The following NCK2 variants were observed in gnomAD, a reference collection of about 807,000 sequenced individuals.
NCK2 encodes NCK adaptor protein 2.
In NCK2, 16 loss-of-function variants were observed where a neutral mutation model predicts 33.9. The observed-to-expected ratio is 0.47, with a 90% confidence interval of 0.32 to 0.72. The LOEUF (loss-of-function observed/expected upper bound fraction) is 0.72. Among genes scored for constraint, NCK2 ranks in the 30% least tolerant of loss-of-function variants. The pLI is 0.03. For synonymous variants in NCK2, 273 were observed against 239.9 expected (o/e 1.14, Z -1.27); for missense variants, 418 against 537.3 (o/e 0.78, Z 2.19).
rs73946597 is a variant in NCK2 at position 105,838,714 on chromosome 2, G to A, written c.-16-16334G>A. 6.0e-3 allele frequency among the ~76,000 whole-genome samples: 913 copies of A among 152,252 alleles called. 13 individuals carry two copies. Among genetic ancestry groups the A allele is most frequent in the African/African-American group, 0.02 (821 of 41,546 alleles). On this transcript the variant is annotated intron_variant, in intron 2 of 4. Coordinates refer to ENST00000233154, the MANE Select transcript of NCK2 (RefSeq NM_003581.5). Reference sequence around the variant, plus strand: ...TAGTTTGTAGGCATCTTGTATCTGTGTGTCTACTGTGGTGATGGAGACCAT... The same window carrying A: ...TAGTTTGTAGGCATCTTGTATCTGTATGTCTACTGTGGTGATGGAGACCAT...
At chr2:105,748,782 T>G (rs1689367776) in intron 1 of NCK2, among the ~76,000 whole-genome samples, 1 of 152,110 alleles carries the variant, frequency 6.6e-6, no homozygotes, top group African/African-American at 2.4e-5. Flanking sequence ...CAGACTGGTC[T>G]TGCCACTTAT....
intron 1 of NCK2, among the ~76,000 whole-genome samples, chr2:105,792,661 G>C (rs11886675): frequency 6.6e-6 from 1 of 151,326 alleles, no homozygotes; most frequent in South Asian, 2.1e-4. Flanking sequence ...CCGGTCTTTT[G>C]TCATTTGGGC....
intron 1 of NCK2, among the ~76,000 whole-genome samples, chr2:105,784,329 G>C (rs1374391767): frequency 6.6e-6 from 1 of 152,224 alleles, no homozygotes; most frequent in Non-Finnish European, 1.5e-5. Context: ...CTGGGGAGCA[G>C]TTTTCCCACC....
intron 1 of NCK2, among the ~76,000 whole-genome samples, chr2:105,774,748 A>T (rs1690248584): frequency 6.6e-6 from 1 of 152,124 alleles, no homozygotes; most frequent in Non-Finnish European, 1.5e-5. Flanking sequence ...CTCAATTTTT[A>T]ACTCACGTTT....
At chr2:105,744,742 G>C (rs1689200956), upstream of NCK2, among the ~76,000 whole-genome samples, 1 of 150,234 alleles carries the variant, frequency 6.7e-6, no homozygotes, top group African/African-American at 2.4e-5. Flanking sequence ...GTGGGTCTCG[G>C]GTCCCCGCCC....
chr2:105,797,374 G>A (rs1314015857), intron 1 of NCK2, among the ~76,000 whole-genome samples: 2 of 152,212 alleles, frequency 1.3e-5, no homozygotes, highest in Non-Finnish European at 2.9e-5. Flanking sequence ...AGGACCGGAA[G>A]AGACTGCCAG....
chr2:105,790,012 G>A (rs143332121), intron 1 of NCK2, among the ~76,000 whole-genome samples: 1 of 152,212 alleles, frequency 6.6e-6, no homozygotes, highest in African/African-American at 2.4e-5. Context: ...TTCATGTATT[G>A]AGTGCAAGGG....
chr2:105,869,802 T>C (rs1468851211), intron 3 of NCK2, among the ~76,000 whole-genome samples: 1 of 152,256 alleles, frequency 6.6e-6, no homozygotes, highest in Non-Finnish European at 1.5e-5. Flanking sequence ...ACTAAATATG[T>C]ATTTTTAATT....
At chr2:105,849,435 C>T (rs957448166) in intron 2 of NCK2, among the ~76,000 whole-genome samples, 2 of 151,990 alleles carry the variant, frequency 1.3e-5, no homozygotes, top group African/African-American at 2.4e-5. Flanking sequence ...TTCTCTGTGG[C>T]GGGATAAATT....
intron 1 of NCK2, among the ~76,000 whole-genome samples, chr2:105,814,540 C>T (rs1675411845): frequency 1.3e-5 from 2 of 152,230 alleles, no homozygotes; most frequent in East Asian, 1.9e-4. Flanking sequence ...TGTTCTTTTG[C>T]GGGGTCTGGT....
At chr2:105,833,023 G>T (rs1676259212) in intron 2 of NCK2, among the ~76,000 whole-genome samples, 1 of 145,662 alleles carries the variant, frequency 6.9e-6, no homozygotes, top group African/African-American at 2.5e-5. Context: ...TTTTTAAATG[G>T]ATTCAGTCTT....
chr2:105,782,859 G>C (rs1156414558), intron 1 of NCK2, among the ~76,000 whole-genome samples: 1 of 152,182 alleles, frequency 6.6e-6, no homozygotes, highest in Non-Finnish European at 1.5e-5. Context: ...CTCACTTACT[G>C]TCCCCAACGC....
intron 3 of NCK2, among the ~76,000 whole-genome samples, chr2:105,879,985 G>T (rs1479176532): frequency 6.6e-6 from 1 of 152,212 alleles, no homozygotes; most frequent in Non-Finnish European, 1.5e-5. Flanking sequence ...CAGGACAGCT[G>T]AGGAAGGGCC....
At chr2:105,868,128 G>C (rs375869622) in intron 3 of NCK2, among the ~76,000 whole-genome samples, 16 of 152,340 alleles carry the variant, frequency 1.1e-4, no homozygotes, top group African/African-American at 3.8e-4. Flanking sequence ...CATGGCCCAC[G>C]TGCTGCCTTG....
At chr2:105,815,482 T>G (rs1675446191) in intron 1 of NCK2, among the ~76,000 whole-genome samples, 1 of 152,158 alleles carries the variant, frequency 6.6e-6, no homozygotes, top group South Asian at 2.1e-4. Context: ...GAAATGTAAT[T>G]AAAAATGTCA....
At chr2:105,830,693 G>GTGTGTGTGTGTGTA (rs1553458063) in intron 2 of NCK2, among the ~76,000 whole-genome samples, 4,541 of 147,970 alleles carry the variant, frequency 0.031, 123 homozygotes, top group African/African-American at 0.064. Flanking sequence ...GTGTGTGTGT[G>GTGTGTGTGTGTGTA]TGTGTGTGTG....
intron 4 of NCK2, 58 bp downstream of exon 4, chr2:105,882,107 G>C (rs987269739): frequency 2.1e-6 from 3 of 1,447,068 alleles, no homozygotes; most frequent in Admixed American, 2.7e-5. Context: ...TTGCGCGGTG[G>C]GTCTGTGTGC....
At position 105,893,411 on chromosome 2, in the gene NCK2, T is replaced by C. The variant is rs1410473437; in HGVS notation, c.*235T>C. On this transcript the variant is annotated 3_prime_UTR_variant, in exon 5 of 5. Coordinates refer to ENST00000233154, the MANE Select transcript of NCK2 (RefSeq NM_003581.5). ...GGGGAGGAGCAGGGCGAGTTCACAT[T>C]ATTCCTTTTCCATCGGAAGTGGCGC... The C allele has an allele frequency of 1.5e-5, 7 of 478,948 alleles. No homozygotes were observed. Among genetic ancestry groups the C allele is most frequent in the Non-Finnish European group, 2.6e-5 (7 of 264,326 alleles). 29.7% of individuals were successfully genotyped at this position (478,948 alleles called of 1,614,324 possible).
At chr2:105,878,918 CAA>C (rs1487585732) in intron 3 of NCK2, among the ~76,000 whole-genome samples, 2 of 152,182 alleles carry the variant, frequency 1.3e-5, no homozygotes, top group Admixed American at 1.3e-4. Context: ...CACCCCTCAC[CAA>C]AGTCTAGTTT....
Sources: allele counts gnomAD v4.1 joint callset (sites outside exome capture counted in the v4.1 genomes callset), GRCh38; gene constraint gnomAD v4.1.1; transcripts MANE v1.5; gene names NCBI Gene and HGNC (gene_info 2026-07-23, HGNC 2026-07-21).